Variants in KCNQ1 observed in about 807,000 individuals in gnomAD.
KCNQ1 encodes potassium voltage-gated channel subfamily KQT member 1.
Under a neutral mutation model 72.4 loss-of-function variants are expected in KCNQ1, and 49 were observed. The ratio of observed to expected loss-of-function variants is 0.68; its 90% CI spans 0.54 to 0.86. The LOEUF (loss-of-function observed/expected upper bound fraction) is 0.86. Among genes scored for constraint, KCNQ1 ranks in the 40% least tolerant of loss-of-function variants. The pLI, the probability that KCNQ1 is intolerant of heterozygous loss-of-function variation, is 0.00. For missense variants in KCNQ1, 790 were observed against 945.1 expected (o/e 0.84, Z 2.15); for synonymous variants, 450 against 412.6 (o/e 1.09, Z -1.10).
chr11:2,810,811 C>T (rs1015487429), intron 15 of KCNQ1, among the ~76,000 whole-genome samples: 3 of 152,194 alleles, frequency 2.0e-5, no homozygotes, highest in Non-Finnish European at 2.9e-5. Flanking sequence ...CTGAGGAACC[C>T]CATATGTTAG....
intron 10 of KCNQ1, chr11:2,630,278 T>C (rs944034897): frequency 1.0e-5 from 4 of 398,230 alleles, no homozygotes; most frequent in African/African-American, 8.2e-5. Flanking sequence ...TTGTGATATA[T>C]GATTTTTTTA....
intron 10 of KCNQ1, chr11:2,628,058 T>C (rs1425147794): frequency 2.3e-5 from 9 of 398,554 alleles, no homozygotes; most frequent in Admixed American, 4.4e-5. Flanking sequence ...ATGAATACTA[T>C]GTTGCTCATT....
intron 10 of KCNQ1, chr11:2,655,091 AAAAT>A (rs1415746102): frequency 5.0e-6 from 2 of 398,634 alleles, no homozygotes; most frequent in East Asian, 7.1e-5. Context: ...TATTTTTAAA[AAAAT>A]AAAATTCAAA....
At chr11:2,496,372 G>A (rs1846916240) in intron 1 of KCNQ1, among the ~76,000 whole-genome samples, 1 of 151,940 alleles carries the variant, frequency 6.6e-6, no homozygotes, top group African/African-American at 2.4e-5. Context: ...GGGAGGTGGA[G>A]CTTGCAGCGA....
chr11:2,676,603 G>C lies in KCNQ1; in HGVS notation c.1514+14522G>C, dbSNP rs1420846079. 1 of 398,572 alleles carries C rather than the reference G, an allele frequency of 2.5e-6. No homozygotes were observed. The highest frequency in any genetic ancestry group is 2.1e-5 in the African/African-American group (1 of 48,634). The allele number at this position is 398,572 out of a possible 1,614,324, so 24.7% of individuals were successfully genotyped here. ...GGTATTCAACAGCCAGCTCTCCAAA[G>C]AGGCCTCTAAGAAATGGGTAGCTTC... On this transcript the variant is annotated intron_variant, in intron 11 of 15. Coordinates refer to ENST00000155840, the MANE Select transcript of KCNQ1 (RefSeq NM_000218.3). This position sits in a 1 kb window ranked among gnomAD's most constrained non-coding sequence, Gnocchi z 4.2.
chr11:2,786,776 A>G (rs906682211), intron 15 of KCNQ1, among the ~76,000 whole-genome samples: 1 of 152,000 alleles, frequency 6.6e-6, no homozygotes, highest in African/African-American at 2.4e-5. Flanking sequence ...TTTTAATCGT[A>G]TCTTCCTCTT....
At chr11:2,518,847 G>A (rs1024035312) in intron 1 of KCNQ1, among the ~76,000 whole-genome samples, 3 of 152,218 alleles carry the variant, frequency 2.0e-5, no homozygotes, top group South Asian at 2.1e-4. Flanking sequence ...ATAAGACAGC[G>A]TGAGGCATGG....
At chr11:2,469,595 T>A (rs1436279571) in intron 1 of KCNQ1, among the ~76,000 whole-genome samples, 1 of 151,920 alleles carries the variant, frequency 6.6e-6, no homozygotes, top group African/African-American at 2.4e-5. Context: ...TTCTATATTC[T>A]GGACCAAGTC....
At chr11:2,616,510 G>T (rs969143940) in intron 10 of KCNQ1, 23 of 397,476 alleles carry the variant, frequency 5.8e-5, no homozygotes, top group Middle Eastern at 6.3e-4. Flanking sequence ...TTCTTTTTCA[G>T]TGTGGGCATT....
At chr11:2,840,805 C>CT (rs1309835062) in intron 15 of KCNQ1, among the ~76,000 whole-genome samples, 1 of 152,242 alleles carries the variant, frequency 6.6e-6, no homozygotes, top group Non-Finnish European at 1.5e-5. Context: ...CCAGCCTCAG[C>CT]TTCTCTGCTC....
chr11:2,754,637 A>G (rs1283848495), intron 11 of KCNQ1, among the ~76,000 whole-genome samples: 1 of 152,224 alleles, frequency 6.6e-6, no homozygotes, highest in African/African-American at 2.4e-5. Flanking sequence ...GGAATCAATC[A>G]TCCTCCAGAA....
rs760399930 is a variant in KCNQ1, at chr11:2,750,283, G to A, written c.1515-18561G>A. Among the ~76,000 whole-genome samples, 1 of 152,216 alleles carries A rather than the reference G, an allele frequency of 6.6e-6. No individual in the cohort carries two copies. The highest frequency in any genetic ancestry group is 2.4e-5 in the African/African-American group (1 of 41,444). ...GACGACAGAGCCCTCAGCCCAGGGC[G>A]GAGGACATGGGAGACGGGGGTATAG... On this transcript the variant is annotated intron_variant, in intron 11 of 15. Coordinates refer to ENST00000155840, the MANE Select transcript of KCNQ1 (RefSeq NM_000218.3). This position sits in a 1 kb window ranked among gnomAD's most constrained non-coding sequence, Gnocchi z 6.3.
intron 10 of KCNQ1, chr11:2,609,085 T>C (rs1004284372): frequency 2.5e-6 from 1 of 398,402 alleles, no homozygotes. Flanking sequence ...TTTAGTTTGC[T>C]CTTCTTTTTC....
At chr11:2,460,467 C>T (rs1247096246) in intron 1 of KCNQ1, among the ~76,000 whole-genome samples, 1 of 152,208 alleles carries the variant, frequency 6.6e-6, no homozygotes, top group Non-Finnish European at 1.5e-5. Flanking sequence ...GCTCAAGGCC[C>T]TGGCCTCCAC....
intron 1 of KCNQ1, among the ~76,000 whole-genome samples, chr11:2,476,406 A>G (rs1846569187): frequency 1.3e-5 from 2 of 152,254 alleles, no homozygotes; most frequent in Admixed American, 6.5e-5. Flanking sequence ...ATATATGCAT[A>G]TCTGTACACC....
chr11:2,749,851 G>A (rs541571297), intron 11 of KCNQ1, among the ~76,000 whole-genome samples: 123 of 151,340 alleles, frequency 8.1e-4, no homozygotes, highest in Non-Finnish European at 1.3e-3. Flanking sequence ...GGTGGTGGAC[G>A]CCTGTAATCC....
At chr11:2,739,377 G>T (rs997123574) in intron 11 of KCNQ1, among the ~76,000 whole-genome samples, 2 of 152,196 alleles carry the variant, frequency 1.3e-5, no homozygotes, top group African/African-American at 4.8e-5. Flanking sequence ...CCCGGCAGTT[G>T]TTTCTGCCCT....
rs1462966940 is a variant in KCNQ1 at position 2,735,732 on chromosome 11, G to A, written c.1515-33112G>A. The stretch of plus-strand genomic sequence containing the variant: ...CAAGGTCAAGGTGCTGCAGGGCTGG[G>A]TCCTCCTGCAGCCTCTCTCCGTGGC... On this transcript the variant is annotated intron_variant, in intron 11 of 15. Coordinates refer to ENST00000155840, the MANE Select transcript of KCNQ1 (RefSeq NM_000218.3). This position sits in a 1 kb window ranked among gnomAD's most constrained non-coding sequence, Gnocchi z 7.7. 6.6e-6 allele frequency among the ~76,000 whole-genome samples: 1 copy of A among 152,004 alleles called. No homozygotes were observed. Among genetic ancestry groups the A allele is most frequent in the African/African-American group, 2.4e-5 (1 of 41,370 alleles).
rs1845704951 is a variant in KCNQ1 at position 2,723,436 on chromosome 11, G to C, written c.1515-45408G>C. Among the ~76,000 whole-genome samples the C allele has an allele frequency of 6.6e-6, 1 of 152,232 alleles. No homozygotes were observed. The highest frequency in any genetic ancestry group is 6.5e-5 in the Admixed American group (1 of 15,290). ...CCTTCTTGCTGAATGGGCAGGGAGA[G>C]AGGAGCTGTTAGGTGAGACCAGGTG... On this transcript the variant is annotated intron_variant, in intron 11 of 15. Coordinates refer to ENST00000155840, the MANE Select transcript of KCNQ1 (RefSeq NM_000218.3). This position sits in a 1 kb window ranked among gnomAD's most constrained non-coding sequence, Gnocchi z 4.2.
Sources: gnomAD v4.1 joint callset for allele counts (sites outside exome capture counted in the v4.1 genomes callset) on GRCh38, gnomAD v4.1.1 for gene constraint, Gnocchi (gnomAD v3.1) non-coding constraint, MANE v1.5 for transcripts, NCBI Gene and HGNC (gene_info 2026-07-23, HGNC 2026-07-21) for gene names.